The following HEATR5B variants were observed in gnomAD, a reference collection of about 807,000 sequenced individuals.
HEATR5B encodes the protein HEAT repeat containing 5B.
HEATR5B carries 156 observed loss-of-function variants against 224.1 expected under a neutral mutation model. The ratio of observed to expected loss-of-function variants is 0.70; its 90% confidence interval spans 0.61 to 0.80. HEATR5B has a LOEUF of 0.80. Ranked by LOEUF, HEATR5B falls within the 30% of genes least tolerant of loss-of-function variation. The pLI is 0.00. For synonymous variants in HEATR5B, 1,027 were observed against 893.0 expected, an observed-to-expected ratio of 1.15 and a Z score of -2.68; for missense variants, 2,323 against 2,535.5, an observed-to-expected ratio of 0.92 and a Z score of 1.80.
In HEATR5B at chr2:37,027,288, C is replaced by G. The variant is rs188468040; in HGVS notation, c.3853+635G>C. Among the ~76,000 whole-genome samples, 8 of 152,288 alleles carry G rather than the reference C, an allele frequency of 5.3e-5. No individual in the cohort carries two copies. In the East Asian group the frequency reaches 1.5e-3, roughly 29 times the overall value. On this transcript the variant is annotated intron_variant, in intron 24 of 35. Coordinates refer to ENST00000233099, the MANE Select transcript of HEATR5B (RefSeq NM_019024.3). ...TAGGATAAGGAATCTGTTACTCTAT[C>G]ACCTCTCAATTTCTCTGGGTCTCTT...
At chr2:37,045,648 T>C (rs557513780) in intron 18 of HEATR5B, among the ~76,000 whole-genome samples, 20 of 152,318 alleles carry the variant, frequency 1.3e-4, no homozygotes, top group Admixed American at 9.8e-4. Context: ...AGACTTTAGA[T>C]GATCCTTCTG....
chr2:37,037,299 C>A (rs780182151), intron 21 of HEATR5B, among the ~76,000 whole-genome samples: 21 of 151,452 alleles, frequency 1.4e-4, no homozygotes, highest in Non-Finnish European at 2.7e-4. Flanking sequence ...GTGCACGCCA[C>A]CACGCCCGGC....
chr2:37,049,277 CA>C (rs1277474928), intron 18 of HEATR5B, among the ~76,000 whole-genome samples: 9 of 151,884 alleles, frequency 5.9e-5, no homozygotes, highest in Non-Finnish European at 1.2e-4. Context: ...TGGCTTATTC[CA>C]AAAAGTGGAT....
chr2:37,053,609 TATAACA>T lies in HEATR5B; in HGVS notation c.2400-8_2400-3del. On this transcript the variant is annotated splice_region_variant and splice_polypyrimidine_tract_variant and intron_variant, in intron 16 of 35. Transcript: ENST00000233099. ...GCAAAGTGATCCAACATTTGTAATC[TATAACA>T]ATAAGAAAAAAAAATCACATTAGTG... The T allele has an allele frequency of 1.3e-6, 2 of 1,574,588 alleles. No individual in the cohort carries two copies. Among genetic ancestry groups the T allele is most frequent in the South Asian group, 1.2e-5 (1 of 86,740 alleles).
intron 27 of HEATR5B, among the ~76,000 whole-genome samples, chr2:37,011,707 T>C (rs867502891): frequency 4.6e-5 from 7 of 152,350 alleles, no homozygotes; most frequent in Middle Eastern, 3.4e-3. Flanking sequence ...TTTCCTACAG[T>C]TGAAATTTTA....
chr2:37,008,384 G>GT, intron 28 of HEATR5B: 3 of 569,986 alleles, frequency 5.3e-6, no homozygotes, highest in Non-Finnish European at 9.4e-6. Flanking sequence ...AGCTATTATT[G>GT]TAACAGTGCT....
intron 21 of HEATR5B, among the ~76,000 whole-genome samples, chr2:37,034,612 CAAAAAAAAAAAAAA>C (rs772823865): frequency 2.6e-4 from 8 of 30,576 alleles, no homozygotes; most frequent in Admixed American, 1.4e-3. Context: ...GACTCTGTCT[CAAAAAAAAAAAAAA>C]AAAAAAAAAA....
At chr2:37,062,362 G>A (rs1001432007) in intron 10 of HEATR5B, among the ~76,000 whole-genome samples, 5 of 152,146 alleles carry the variant, frequency 3.3e-5, no homozygotes, top group East Asian at 1.9e-4. Context: ...CTGGGGAGGC[G>A]GAGGTTGCAG....
Position 37,008,776 on chromosome 2 carries a change from C to T in HEATR5B, c.4357G>A (p.Asp1453Asn), listed in dbSNP as rs755108696. ...ATGGTACCACAGTCGTCATCATCAT[C>T]GTCAGTATTTTTAATTGCTCTTTTT... ...KPKRAIKNTD[D>N]DDDDCGTIDE... Residue 1453 changes from aspartate (D) to asparagine (N), a missense_variant, in exon 28 of 36, where the codon GAT becomes AAT. Asp to Asn is a conservative substitution (Grantham distance 23). This residue lies in a region of HEATR5B where 844 missense variants were observed against 812.9 expected (regional missense o/e 1.04). Transcript: ENST00000233099. 8 of 1,613,972 alleles carry T rather than the reference C, an allele frequency of 5.0e-6. No homozygotes were observed. In the African/African-American group the frequency reaches 5.3e-5, roughly 11 times the overall value.
intron 9 of HEATR5B, 73 bp from the exon 10 acceptor site, chr2:37,065,063 A>T: frequency 6.9e-7 from 1 of 1,446,704 alleles, no homozygotes; most frequent in Non-Finnish European, 9.5e-7. Flanking sequence ...TACTATCTAA[A>T]AAACAATAAC....
chr2:36,997,354 A>G (rs1666788189), intron 33 of HEATR5B, among the ~76,000 whole-genome samples: 1 of 150,016 alleles, frequency 6.7e-6, no homozygotes, highest in Admixed American at 6.6e-5. Flanking sequence ...CCAGCTAATT[A>G]TTTATTTTTT....
chr2:37,049,744 G>C lies in HEATR5B; in HGVS notation c.2605C>G (p.Arg869Gly), dbSNP rs1176714524. The C allele has an allele frequency of 6.2e-7, 1 of 1,611,540 alleles. No individual in the cohort carries two copies. The highest frequency in any genetic ancestry group is 1.7e-5 in the Admixed American group (1 of 59,738). Reference protein sequence around the residue: ...GPLDNPNPILRCAAGEALGRM... With the variant: ...GPLDNPNPILGCAAGEALGRM... ...CCAAGAGCTTCCCCCGCTGCACAAC[G>C]TAAGATGGGGTTTGGGTTGTCCAGA... The change falls in exon 18 of 36, where the codon CGT becomes GGT. Residue 869 changes from arginine (R) to glycine (G), a missense_variant. By Grantham distance (125) the Arg-to-Gly change is moderately radical. This residue lies in a region of HEATR5B where 170 missense variants were observed against 216.7 expected (regional missense o/e 0.78). Coordinates refer to ENST00000233099, the MANE Select transcript of HEATR5B (RefSeq NM_019024.3).
rs138013841 is a variant in HEATR5B, at chr2:36,993,743, T to C, written c.5546-2944A>G. On this transcript the variant is annotated intron_variant, in intron 33 of 35. Transcript: ENST00000233099. ...GACAAAGCAACATTACAAAGCAATATGTCTTAGTTATATGATGTGCTAAGA... is the reference window on the plus strand; with the variant it reads ...GACAAAGCAACATTACAAAGCAATACGTCTTAGTTATATGATGTGCTAAGA... Among the ~76,000 whole-genome samples the C allele has an allele frequency of 7.0e-3, 1,068 of 152,178 alleles. 14 individuals carry two copies. The highest frequency in any genetic ancestry group is 0.022 in the African/African-American group (929 of 41,524).
intron 18 of HEATR5B, among the ~76,000 whole-genome samples, chr2:37,044,994 C>A (rs1217744217): frequency 2.0e-5 from 3 of 152,188 alleles, no homozygotes; most frequent in Non-Finnish European, 4.4e-5. Context: ...CTTCCTACCT[C>A]ATTGTCTAAC....
At chr2:37,039,047 G>T (rs947316309) in intron 20 of HEATR5B, among the ~76,000 whole-genome samples, 1 of 152,004 alleles carries the variant, frequency 6.6e-6, no homozygotes, top group African/African-American at 2.4e-5. Context: ...CGGGCTGGGC[G>T]TGGAGGCTCG....
chr2:37,020,211 A>G (rs1277432748), intron 25 of HEATR5B, among the ~76,000 whole-genome samples: 3 of 152,122 alleles, frequency 2.0e-5, no homozygotes, highest in African/African-American at 7.2e-5. Flanking sequence ...GGCCTCAGTA[A>G]TACCTTTAAC....
intron 33 of HEATR5B, among the ~76,000 whole-genome samples, chr2:36,991,673 T>C (rs1457755151): frequency 6.6e-6 from 1 of 152,160 alleles, no homozygotes; most frequent in Non-Finnish European, 1.5e-5. Context: ...TTTCTGAACA[T>C]ATAAAATACG....
chr2:37,004,592 C>A (rs1369539237), intron 30 of HEATR5B, among the ~76,000 whole-genome samples: 1 of 151,902 alleles, frequency 6.6e-6, no homozygotes, highest in Non-Finnish European at 1.5e-5. Flanking sequence ...CTACTGGTCA[C>A]CTCAAACAAT....
At chr2:37,020,572 T>C in intron 25 of HEATR5B, 83 bp downstream of exon 25, 4 of 972,620 alleles carry the variant, frequency 4.1e-6, no homozygotes, top group Non-Finnish European at 6.0e-6. Context: ...CAGTTCCAAA[T>C]GCAGTCCTCC....
Sources: gnomAD v4.1 joint callset for allele counts (sites outside exome capture counted in the v4.1 genomes callset) on GRCh38, gnomAD v4.1.1 for gene constraint, gnomAD v4.1.1 regional missense constraint, MANE v1.5 for transcripts, NCBI Gene and HGNC (gene_info 2026-07-23, HGNC 2026-07-21) for gene names.